The following PLPPR4 variants were observed in gnomAD, a reference collection of about 807,000 sequenced individuals.
The protein encoded by PLPPR4 is phospholipid phosphatase related 4, also known as phospholipid phosphatase-related protein type 4.
Under a neutral mutation model 56.6 loss-of-function variants are expected in PLPPR4, and 24 were observed. The ratio of observed to expected loss-of-function variants is 0.42; its 90% CI spans 0.31 to 0.60. The LOEUF is 0.60. PLPPR4 is among the 20% of genes least tolerant of loss of function. The pLI is 0.13. For synonymous variants in PLPPR4, 326 were observed against 328.1 expected, an observed-to-expected ratio of 0.99 and a Z score of 0.07; for missense variants, 654 against 885.8, an observed-to-expected ratio of 0.74 and a Z score of 3.32.
intron 1 of PLPPR4, among the ~76,000 whole-genome samples, chr1:99,274,293 G>C (rs1659130931): frequency 6.6e-6 from 1 of 151,844 alleles, no homozygotes; most frequent in African/African-American, 2.4e-5. Context: ...GAACTATTGT[G>C]GTCAGGTTAG....
chr1:99,268,526 AAGGGATAGAATTT>A (rs1371291948), intron 1 of PLPPR4, among the ~76,000 whole-genome samples: 4 of 152,242 alleles, frequency 2.6e-5, no homozygotes, highest in Admixed American at 1.3e-4. Context: ...ACATTAGTTG[AAGGGATAGAATTT>A]AGGGATAGAA....
At chr1:99,272,594 G>A (rs1659085956) in intron 1 of PLPPR4, among the ~76,000 whole-genome samples, 1 of 152,078 alleles carries the variant, frequency 6.6e-6, no homozygotes, top group Non-Finnish European at 1.5e-5. Flanking sequence ...GTTCCAAATT[G>A]TTAGGCTCTT....
intron 2 of PLPPR4, among the ~76,000 whole-genome samples, chr1:99,293,485 A>G (rs146250726): frequency 6.1e-4 from 93 of 152,312 alleles, no homozygotes; most frequent in African/African-American, 2.2e-3. Context: ...AGAGAAAACA[A>G]GAAAGACTAT....
intron 1 of PLPPR4, among the ~76,000 whole-genome samples, chr1:99,271,928 G>C (rs1304792073): frequency 7.3e-6 from 1 of 136,478 alleles, no homozygotes; most frequent in Non-Finnish European, 1.6e-5. Flanking sequence ...GTGTGTGTGT[G>C]TGTGTGTGTG....
chr1:99,272,314 C>A (rs1659080821), intron 1 of PLPPR4, among the ~76,000 whole-genome samples: 1 of 151,922 alleles, frequency 6.6e-6, no homozygotes, highest in Non-Finnish European at 1.5e-5. Flanking sequence ...TCAAGTATGC[C>A]AGCGTTACCT....
intron 6 of PLPPR4, among the ~76,000 whole-genome samples, chr1:99,303,474 T>G (rs819918): frequency 0.52 from 79,520 of 151,858 alleles, 21,457 homozygotes; most frequent in African/African-American, 0.65. Flanking sequence ...GTTACTACGG[T>G]TATATAAAAC....
At chr1:99,287,906 C>T in intron 1 of PLPPR4, 59 bp from the exon 2 acceptor site, 1 of 1,325,138 alleles carries the variant, frequency 7.5e-7, no homozygotes, top group South Asian at 1.4e-5. Context: ...CACTTGTTTT[C>T]TATGTATGCC....
chr1:99,299,180 T>G lies in PLPPR4; in HGVS notation c.540T>G (p.Ile180Met). The change falls in exon 4 of 7, where the codon ATT becomes ATG. Residue 180 changes from isoleucine to methionine, a missense_variant. Transcript: ENST00000370185. ...TATCTTGCAAAGAAAATTCCTACAT[T>G]GTGGAAGATATTTGCTCAGGATCTG... Reference protein sequence around the residue: ...LNVSCKENSYIVEDICSGSDL... With the variant: ...LNVSCKENSYMVEDICSGSDL... 6.2e-7 allele frequency: 1 copy of G among 1,613,370 alleles called. No homozygotes were observed. Among genetic ancestry groups the G allele is most frequent in the Non-Finnish European group, 8.5e-7 (1 of 1,179,622 alleles).
At position 99,299,029 on chromosome 1, in the gene PLPPR4, C is replaced by T; in HGVS notation, c.395-6C>T. On this transcript the variant is annotated splice_polypyrimidine_tract_variant and splice_region_variant and intron_variant, in intron 3 of 6. Transcript: ENST00000370185. ...TTGGTAACAATTTCTTTCATTTTGC[C>T]TATAGGTGTTCATGTATTTGGATTA... is the stretch of plus-strand genomic sequence containing the variant. The T allele has an allele frequency of 1.9e-6, 3 of 1,608,058 alleles. No homozygotes were observed. Among genetic ancestry groups the T allele is most frequent in the Non-Finnish European group, 2.6e-6 (3 of 1,174,774 alleles).
chr1:99,264,330 C>A (rs550415750), upstream of PLPPR4: 27 of 804,874 alleles, frequency 3.4e-5, no homozygotes, highest in African/African-American at 4.1e-4. Flanking sequence ...GGGAGCTGGA[C>A]GTCGTCTCTC....
At chr1:99,264,943 TC>T (rs1416756752) in intron 1 of PLPPR4, among the ~76,000 whole-genome samples, 1 of 152,078 alleles carries the variant, frequency 6.6e-6, no homozygotes, top group Non-Finnish European at 1.5e-5. Context: ...TGGTTTTAGT[TC>T]CTTGGCCCTC....
intron 5 of PLPPR4, 45 bp downstream of exon 5, chr1:99,301,011 T>C: frequency 2.0e-6 from 3 of 1,536,706 alleles, no homozygotes; most frequent in African/African-American, 1.4e-5. Flanking sequence ...CTACAGAAAA[T>C]CTGAGGAATG....
chr1:99,298,253 G>C (rs1659792853), intron 3 of PLPPR4, among the ~76,000 whole-genome samples: 1 of 152,126 alleles, frequency 6.6e-6, no homozygotes, highest in Admixed American at 6.6e-5. Flanking sequence ...AGGGTGACAA[G>C]AAAACCTAGA....
intron 1 of PLPPR4, among the ~76,000 whole-genome samples, chr1:99,276,665 T>A (rs905784650): frequency 3.9e-5 from 6 of 152,146 alleles, no homozygotes; most frequent in Non-Finnish European, 7.4e-5. Flanking sequence ...ACTTTATTTC[T>A]CAAGATAAGC....
chr1:99,269,331 G>A (rs1019871679), intron 1 of PLPPR4, among the ~76,000 whole-genome samples: 1 of 152,204 alleles, frequency 6.6e-6, no homozygotes, highest in Non-Finnish European at 1.5e-5. Context: ...ATCACTGATG[G>A]GCATTTAGGT....
intron 1 of PLPPR4, among the ~76,000 whole-genome samples, chr1:99,284,274 T>G (rs1659410794): frequency 6.6e-6 from 1 of 152,208 alleles, no homozygotes; most frequent in African/African-American, 2.4e-5. Context: ...ACATTGTCAT[T>G]TAATTCATTA....
upstream of PLPPR4, chr1:99,264,467 C>T (rs1377509429): frequency 6.6e-7 from 1 of 1,518,658 alleles, no homozygotes; most frequent in Non-Finnish European, 8.8e-7. Context: ...GCGCTGGCTC[C>T]AGCGGTGGCC....
intron 5 of PLPPR4, 147 bp downstream of exon 5, chr1:99,301,113 C>A: frequency 1.5e-6 from 1 of 678,810 alleles, no homozygotes; most frequent in Non-Finnish European, 2.6e-6. Flanking sequence ...CAATGGCATC[C>A]AAAGCAGAAA....
chr1:99,264,034 T>C (rs1557770226), upstream of PLPPR4: 2 of 171,660 alleles, frequency 1.2e-5, no homozygotes, highest in African/African-American at 4.7e-5. Flanking sequence ...CAAGATCTCA[T>C]TTCGTGGAGG....
Sources: allele counts gnomAD v4.1 joint callset (sites outside exome capture counted in the v4.1 genomes callset), GRCh38; gene constraint gnomAD v4.1.1; transcripts MANE v1.5; gene names NCBI Gene and HGNC (gene_info 2026-07-23, HGNC 2026-07-21).